The following SPTBN2 variants were observed in gnomAD, a reference collection of about 807,000 sequenced individuals.
The protein encoded by SPTBN2 is spectrin beta chain, non-erythrocytic 2.
In SPTBN2, 107 loss-of-function variants were observed where a neutral mutation model predicts 284.2. That is an observed-to-expected ratio of 0.38 (90% CI 0.32 to 0.44). The LOEUF (loss-of-function observed/expected upper bound fraction) is 0.44. Among genes scored for constraint, SPTBN2 ranks in the 20% least tolerant of loss-of-function variants. The pLI, the probability that SPTBN2 is intolerant of heterozygous loss-of-function variation, is 1.00. For synonymous variants in SPTBN2, 1,289 were observed against 1,354.8 expected, an observed-to-expected ratio of 0.95 and a Z score of 1.07; for missense variants, 2,569 against 3,287.1, an observed-to-expected ratio of 0.78 and a Z score of 5.34.
At chr11:66,733,080 G>A (rs1942825451), upstream of SPTBN2, among the ~76,000 whole-genome samples, 1 of 152,118 alleles carries the variant, frequency 6.6e-6, no homozygotes, top group Non-Finnish European at 1.5e-5. Context: ...TGCGACTGGG[G>A]AGATAGGCAA....
intron 14 of SPTBN2, 103 bp from the exon 15 acceptor site, chr11:66,705,571 C>T: frequency 1.9e-6 from 3 of 1,602,884 alleles, no homozygotes; most frequent in Admixed American, 3.4e-5. Flanking sequence ...AGCTCAGTCA[C>T]CATCGTTTGG....
At chr11:66,723,520 G>T (rs951535568) in intron 1 of SPTBN2, among the ~76,000 whole-genome samples, 1 of 152,052 alleles carries the variant, frequency 6.6e-6, no homozygotes, top group Admixed American at 6.5e-5. Context: ...TGAAGGTCAG[G>T]GTTGTCTGCC....
Position 66,693,444 on chromosome 11 carries a change from G to C in SPTBN2, c.4596C>G (p.Thr1532=). The change falls in exon 24 of 38, where the codon ACC becomes ACG. Residue 1532 remains threonine, a splice_region_variant and synonymous_variant. Coordinates refer to ENST00000533211, the MANE Select transcript of SPTBN2 (RefSeq NM_006946.4). This position sits in a 1 kb window ranked among gnomAD's most constrained non-coding sequence, Gnocchi z 5.7. The part of the protein sequence containing the change: ...SVQLLMKKNQ[T]LQKEIQGHEP... ...CATGGCCCTGAATCTCTTTCTGCAG[G>C]GTCTGCCCATGGCCACAGAAGAGAA... 2 of 1,598,584 alleles carry C rather than the reference G, an allele frequency of 1.3e-6. No homozygotes were observed. The highest frequency in any genetic ancestry group is 1.7e-6 in the Non-Finnish European group (2 of 1,179,524).
rs539133540 is a variant in SPTBN2, at chr11:66,683,034, G to A, written c.*2837C>T. Among the ~76,000 whole-genome samples, 4 of 148,058 alleles carry A rather than the reference G, an allele frequency of 2.7e-5. No individual in the cohort carries two copies. Among genetic ancestry groups the A allele is most frequent in the South Asian group, 2.1e-4 (1 of 4,660 alleles). Reference sequence around the variant, plus strand: ...TTCCCAAAGTGCTGGGATTATAAGCGTGAACCACCATGCCTGGCCAAGTAA... The same window carrying A: ...TTCCCAAAGTGCTGGGATTATAAGCATGAACCACCATGCCTGGCCAAGTAA... On this transcript the variant is annotated 3_prime_UTR_variant, in exon 38 of 38. Transcript: ENST00000533211.
intron 3 of SPTBN2, among the ~76,000 whole-genome samples, chr11:66,720,399 G>A (rs1277393094): frequency 1.3e-5 from 2 of 152,188 alleles, no homozygotes; most frequent in Non-Finnish European, 2.9e-5. Context: ...GGTGTCAGGT[G>A]GCAGCCGCAC....
At chr11:66,742,069 G>A (rs1202921495) in intron 1 of SPTBN2, among the ~76,000 whole-genome samples, 1 of 152,116 alleles carries the variant, frequency 6.6e-6, no homozygotes, top group African/African-American at 2.4e-5. Flanking sequence ...CAATCCTCCT[G>A]CCTTGGCCTC....
At chr11:66,701,513 C>A (rs1244092445) in intron 16 of SPTBN2, 71 bp downstream of exon 16, 12 of 1,612,306 alleles carry the variant, frequency 7.4e-6, no homozygotes, top group Non-Finnish European at 1.0e-5. Flanking sequence ...CCCTACAAAA[C>A]CTGCCTCTCA....
In SPTBN2 at chr11:66,704,834, G is replaced by T. The variant is rs1014734174; in HGVS notation, c.2442C>A (p.Pro814=). 1.2e-6 allele frequency: 2 copies of T among 1,607,864 alleles called. No individual in the cohort carries two copies. The highest frequency in any genetic ancestry group is 2.2e-5 in the South Asian group (2 of 91,054). The part of the protein sequence containing the change: ...DALREQAAAL[P]PTLSRTPEVQ... ...CCTCGGGCGTGCGGCTCAGTGTGGG[G>T]GGCAGGGCTGCTGCCTGTTCCCTCA... Residue 814 remains proline (P), a synonymous_variant, in exon 15 of 38, where the codon CCC becomes CCA. Transcript: ENST00000533211.
At chr11:66,688,628 G>A in intron 31 of SPTBN2, 25 bp downstream of exon 31, 1 of 1,613,088 alleles carries the variant, frequency 6.2e-7, no homozygotes, top group South Asian at 1.1e-5. Flanking sequence ...GTTGGAGTGG[G>A]CATCCGGGGT....
intron 36 of SPTBN2, 133 bp downstream of exon 36, chr11:66,686,861 C>G: frequency 2.5e-6 from 3 of 1,203,748 alleles, no homozygotes; most frequent in Non-Finnish European, 3.6e-6. Flanking sequence ...TCTACACTAT[C>G]CCCAAGTGGC....
chr11:66,742,032 G>A (rs1402554500), intron 1 of SPTBN2, among the ~76,000 whole-genome samples: 2 of 152,082 alleles, frequency 1.3e-5, no homozygotes, highest in African/African-American at 2.4e-5. Context: ...ATAATGCCCA[G>A]GTTGGTCTCA....
intron 1 of SPTBN2, among the ~76,000 whole-genome samples, chr11:66,742,020 C>G (rs148981558): frequency 6.6e-6 from 1 of 152,102 alleles, no homozygotes; most frequent in Non-Finnish European, 1.5e-5. Flanking sequence ...CAGGCTGTCA[C>G]TATAATGCCC....
At position 66,705,826 on chromosome 11, in the gene SPTBN2, C is replaced by G. The variant is rs1379680814; in HGVS notation, c.1665G>C (p.Gln555His). 1 of 1,612,180 alleles carries G rather than the reference C, an allele frequency of 6.2e-7. No individual in the cohort carries two copies. The highest frequency in any genetic ancestry group is 8.5e-7 in the Non-Finnish European group (1 of 1,179,832). Reference sequence around the variant, plus strand: ...CTAGGTGCCTGCCCAGGTCCTGAGACTGCAGCCGGCCCTGCCAGGCACACA... The same window carrying G: ...CTAGGTGCCTGCCCAGGTCCTGAGAGTGCAGCCGGCCCTGCCAGGCACACA... ...DWMEEMKGRL[Q>H]SQDLGRHLAG... is the part of the protein sequence containing the mutation. The change falls in exon 14 of 38, where the codon CAG (glutamine) becomes CAC (histidine). Residue 555 changes from glutamine (Q) to histidine (H), a missense_variant. Gln to His is a conservative substitution (Grantham distance 24). This residue lies in a region of SPTBN2 where 1,012 missense variants were observed against 1,248.9 expected (regional missense o/e 0.81). Coordinates refer to ENST00000533211, the MANE Select transcript of SPTBN2 (RefSeq NM_006946.4).
chr11:66,705,671 G>A lies in SPTBN2; in HGVS notation c.1807+13C>T, dbSNP rs151122248. The A allele has an allele frequency of 1.8e-3, 2,889 of 1,610,056 alleles. 7 individuals are homozygous for A. The highest frequency in any genetic ancestry group is 2.2e-3 in the Non-Finnish European group (2,557 of 1,179,950). On this transcript the variant is annotated intron_variant, in intron 14 of 37. Transcript: ENST00000533211. ...CAGCCCCTCCCTCTCCAGTGCCTTC[G>A]CTGACTTCTCACCTTTCCCTGGGTT...
chr11:66,697,263 T>A, intron 20 of SPTBN2, among the ~76,000 whole-genome samples: 1 of 152,002 alleles, frequency 6.6e-6, no homozygotes, highest in Non-Finnish European at 1.5e-5. Flanking sequence ...CGGGGACACC[T>A]CCCTAGAATC....
In SPTBN2 at chr11:66,686,383, C is replaced by T. The variant is rs777906519; in HGVS notation, c.6939+15G>A. The T allele has an allele frequency of 5.6e-6, 9 of 1,614,006 alleles. No homozygotes were observed. The highest frequency in any genetic ancestry group is 2.7e-5 in the African/African-American group (2 of 74,914). On this transcript the variant is annotated intron_variant, in intron 37 of 37. Transcript: ENST00000533211. Reference sequence around the variant, plus strand: ...GGAATGGCACGGACAGAGAGGAACACGAAGGACAGCTCACCTCATCCTTGG... The same window carrying T: ...GGAATGGCACGGACAGAGAGGAACATGAAGGACAGCTCACCTCATCCTTGG...
chr11:66,683,947 T>C lies in SPTBN2; in HGVS notation c.*1924A>G, dbSNP rs1411782828. Among the ~76,000 whole-genome samples the C allele has an allele frequency of 6.6e-6, 1 of 152,236 alleles. No homozygotes were observed. Among genetic ancestry groups the C allele is most frequent in the Non-Finnish European group, 1.5e-5 (1 of 68,034 alleles). The stretch of plus-strand genomic sequence containing the variant: ...TTCCACTTAGTCCCATGACAGATTG[T>C]TCTAGTTACGCGTATCCACCTGTTG... On this transcript the variant is annotated 3_prime_UTR_variant, in exon 38 of 38. Transcript: ENST00000533211.
At position 66,691,709 on chromosome 11, in the gene SPTBN2, G is replaced by A; in HGVS notation, c.5191-51C>T. 1.2e-6 allele frequency: 2 copies of A among 1,610,484 alleles called. No individual in the cohort carries two copies. Among genetic ancestry groups the A allele is most frequent in the Non-Finnish European group, 1.7e-6 (2 of 1,179,862 alleles). On this transcript the variant is annotated intron_variant, in intron 26 of 37. Coordinates refer to ENST00000533211, the MANE Select transcript of SPTBN2 (RefSeq NM_006946.4). The surrounding 1 kb of genome is among the most constrained non-coding windows in gnomAD (Gnocchi z 8.0). ...CCATGCCGTGATGTTAGGGGATGTG[G>A]TCCCTGCCTGATGGAGCGAGTCCTC... is the stretch of plus-strand genomic sequence containing the variant.
At position 66,705,205 on chromosome 11, in the gene SPTBN2, T is replaced by A. The variant is rs1320138944; in HGVS notation, c.2071A>T (p.Ser691Cys). ...AGCTTCAGGGGCCCCAGCCGGCCGC[T>A]CATCTCGCCCCGCAGGGCTGTGTGC... is the stretch of plus-strand genomic sequence containing the variant. Reference protein sequence around the residue: ...NKHTALRGEMSGRLGPLKLTL... With the variant: ...NKHTALRGEMCGRLGPLKLTL... The change falls in exon 15 of 38, where the codon AGC becomes TGC. Residue 691 changes from serine to cysteine, a missense_variant. Transcript: ENST00000533211. The A allele has an allele frequency of 6.5e-7, 1 of 1,539,410 alleles. No homozygotes were observed. The highest frequency in any genetic ancestry group is 2.4e-5 in the East Asian group (1 of 40,976).
Sources: gnomAD v4.1 joint callset for allele counts (sites outside exome capture counted in the v4.1 genomes callset) on GRCh38, gnomAD v4.1.1 for gene constraint, gnomAD v4.1.1 regional missense constraint, Gnocchi (gnomAD v3.1) non-coding constraint, MANE v1.5 for transcripts, NCBI Gene and HGNC (gene_info 2026-07-23, HGNC 2026-07-21) for gene names.